CCND3: variants seen among roughly 807,000 people sequenced by gnomAD.
CCND3 encodes cyclin D3.
In CCND3, 9 loss-of-function variants were observed where a neutral mutation model predicts 28.7. That is an observed-to-expected ratio of 0.31 (90% confidence interval 0.19 to 0.55). The LOEUF (loss-of-function observed/expected upper bound fraction) is 0.55. CCND3 is among the 20% of genes least tolerant of loss of function. The probability of loss-of-function intolerance (pLI) is 0.93; values close to 1 mark genes in which losing one functional copy is unlikely to be tolerated. For missense variants in CCND3, 315 were observed against 385.8 expected (o/e 0.82, Z 1.54); for synonymous variants, 164 against 163.9 (o/e 1.00, Z 0.00).
At chr6:41,946,748 A>C (rs1454788304), upstream of CCND3, among the ~76,000 whole-genome samples, 1 of 152,012 alleles carries the variant, frequency 6.6e-6, no homozygotes, top group Non-Finnish European at 1.5e-5. Context: ...ATTTCACATT[A>C]ATCTTTAAAA....
rs776692321 is a variant in CCND3 at position 41,941,475 on chromosome 6, T to C, written c.175A>G (p.Met59Val). ...ACCTCCAGCATCCAGTAAGCCAGCATCTTCCGCATGTGCGGCTTGATCTCC... is the reference window on the plus strand; with the variant it reads ...ACCTCCAGCATCCAGTAAGCCAGCACCTTCCGCATGTGCGGCTTGATCTCC... ...QREIKPHMRK[M>V]LAYWMLEVCE... is the part of the protein sequence containing the mutation. The change falls in exon 1 of 5, where the codon ATG (methionine) becomes GTG (valine). Residue 59 changes from methionine (M) to valine (V), a missense_variant. Coordinates refer to ENST00000372991, the MANE Select transcript of CCND3 (RefSeq NM_001760.5). This position sits in a 1 kb window ranked among gnomAD's most constrained non-coding sequence, Gnocchi z 6.1. The C allele has an allele frequency of 6.8e-6, 11 of 1,607,986 alleles. No homozygotes were observed. The highest frequency in any genetic ancestry group is 9.3e-6 in the Non-Finnish European group (11 of 1,178,594).
At chr6:41,974,853 C>T (rs1365699356) in intron 1 of CCND3, among the ~76,000 whole-genome samples, 2 of 137,430 alleles carry the variant, frequency 1.5e-5, no homozygotes, top group Non-Finnish European at 3.0e-5. Flanking sequence ...AGTACAATGG[C>T]GCCATCTTGG....
At chr6:42,038,254 T>C (rs1764283572) in intron 1 of CCND3, among the ~76,000 whole-genome samples, 1 of 151,788 alleles carries the variant, frequency 6.6e-6, no homozygotes, top group Non-Finnish European at 1.5e-5. Context: ...TTAACTATAT[T>C]AGGGCAGGGT....
At chr6:41,964,480 GTGTGAA>G (rs1165162037) in intron 1 of CCND3, among the ~76,000 whole-genome samples, 2 of 101,262 alleles carry the variant, frequency 2.0e-5, no homozygotes, top group African/African-American at 5.3e-5. Flanking sequence ...GTGTGAGTGT[GTGTGAA>G]TGTGTGTGTG....
intron 1 of CCND3, among the ~76,000 whole-genome samples, chr6:42,024,734 A>T (rs1582175750): frequency 6.6e-6 from 1 of 152,154 alleles, no homozygotes; most frequent in Non-Finnish European, 1.5e-5. Context: ...CAGCCTGGCC[A>T]ACATGGTGAA....
At chr6:41,957,039 C>A (rs1179050109) in intron 1 of CCND3, among the ~76,000 whole-genome samples, 2 of 152,110 alleles carry the variant, frequency 1.3e-5, no homozygotes, top group African/African-American at 4.8e-5. Context: ...TCAAAACAAA[C>A]AAACAAACAA....
At chr6:42,034,918 A>G (rs560935541) in intron 1 of CCND3, among the ~76,000 whole-genome samples, 1 of 152,326 alleles carries the variant, frequency 6.6e-6, no homozygotes, top group African/African-American at 2.4e-5. Flanking sequence ...GTACCTAGAA[A>G]AATACACTTC....
Position 41,936,024 on chromosome 6 carries a change from T to C in CCND3, c.795A>G (p.Pro265=), listed in dbSNP as rs990076942. The change falls in exon 5 of 5, where the codon CCA becomes CCG. Residue 265 remains proline, a synonymous_variant. Transcript: ENST00000372991. The surrounding 1 kb of genome is among the most constrained non-coding windows in gnomAD (Gnocchi z 4.4). ...LREASQTSSS[P]APKAPRGSSS... is the part of the protein sequence containing the mutation. ...TGGAGCCCCGGGGGGCTTTGGGCGC[T>C]GGGCTGGAGCTGGTCTGAGAGGCTT... 6.2e-7 allele frequency: 1 copy of C among 1,613,428 alleles called. No individual in the cohort carries two copies. Among genetic ancestry groups the C allele is most frequent in the African/African-American group, 1.3e-5 (1 of 75,006 alleles).
At chr6:41,937,545 TG>T (rs1775848814) in intron 2 of CCND3, 151 bp from the exon 3 acceptor site, 4 of 868,756 alleles carry the variant, frequency 4.6e-6, no homozygotes, top group African/African-American at 3.4e-5. Context: ...CCGGGCACCA[TG>T]GAGTTCAAGG....
upstream of CCND3, among the ~76,000 whole-genome samples, chr6:41,945,075 G>A (rs1360471797): frequency 1.3e-5 from 2 of 152,132 alleles, no homozygotes; most frequent in Non-Finnish European, 2.9e-5. Context: ...AATAGTATGA[G>A]GAGTTTCTAC....
At chr6:42,007,035 A>G (rs564409648) in intron 1 of CCND3, among the ~76,000 whole-genome samples, 2 of 152,190 alleles carry the variant, frequency 1.3e-5, no homozygotes, top group Non-Finnish European at 1.5e-5. Flanking sequence ...AACTGGTGAC[A>G]TATTTCTCAA....
At chr6:42,030,618 T>A (rs1272470631) in intron 1 of CCND3, among the ~76,000 whole-genome samples, 3 of 152,208 alleles carry the variant, frequency 2.0e-5, no homozygotes, top group African/African-American at 4.8e-5. Flanking sequence ...CCCCAGGTCC[T>A]GCCTCGCCTT....
intron 1 of CCND3, among the ~76,000 whole-genome samples, chr6:41,989,180 T>C (rs1274461187): frequency 6.6e-6 from 1 of 151,672 alleles, no homozygotes; most frequent in Non-Finnish European, 1.5e-5. Flanking sequence ...ACAAACAACC[T>C]GGGCACTGTG....
At chr6:41,958,000 C>CTTTTTTTTTT (rs536258560) in intron 1 of CCND3, among the ~76,000 whole-genome samples, 8 of 127,008 alleles carry the variant, frequency 6.3e-5, no homozygotes, top group Non-Finnish European at 1.1e-4. Flanking sequence ...TTATCTTTAT[C>CTTTTTTTTTT]TTTTTTTTTT....
chr6:41,988,434 AT>A (rs1762549183), intron 1 of CCND3, among the ~76,000 whole-genome samples: 1 of 152,122 alleles, frequency 6.6e-6, no homozygotes. Flanking sequence ...AGTTATTACA[AT>A]TCTTTTAAGT....
intron 1 of CCND3, among the ~76,000 whole-genome samples, chr6:42,032,561 C>T (rs1431314368): frequency 1.1e-4 from 17 of 152,386 alleles, no homozygotes; most frequent in South Asian, 1.0e-3. Flanking sequence ...GGCACGGGCA[C>T]GCCCGCCTAG....
intron 1 of CCND3, among the ~76,000 whole-genome samples, chr6:42,036,548 C>T (rs1318116329): frequency 1.3e-5 from 2 of 150,128 alleles, no homozygotes; most frequent in Admixed American, 6.7e-5. Context: ...GGTCTACAGG[C>T]GCACACCACC....
At chr6:42,027,833 C>T (rs1043464992) in intron 1 of CCND3, among the ~76,000 whole-genome samples, 2 of 152,074 alleles carry the variant, frequency 1.3e-5, no homozygotes, top group Non-Finnish European at 1.5e-5. Flanking sequence ...CGGCAACCTC[C>T]GCCTCCTGGG....
At chr6:42,043,041 C>T (rs1764420967) in intron 1 of CCND3, among the ~76,000 whole-genome samples, 1 of 152,192 alleles carries the variant, frequency 6.6e-6, no homozygotes, top group Admixed American at 6.5e-5. Flanking sequence ...CACAGATGGG[C>T]TGTGTGTAAG....
Sources: allele counts gnomAD v4.1 joint callset (sites outside exome capture counted in the v4.1 genomes callset), GRCh38; gene constraint gnomAD v4.1.1; non-coding constraint Gnocchi (gnomAD v3.1); transcripts MANE v1.5; gene names NCBI Gene and HGNC (gene_info 2026-07-23, HGNC 2026-07-21).